Variants in LGSN observed in about 807,000 individuals in gnomAD.
The protein encoded by LGSN is lengsin.
Under a neutral mutation model 19.5 loss-of-function variants are expected in LGSN, and 21 were observed. The ratio of observed to expected loss-of-function variants is 1.07; its 90% CI spans 0.76 to 1.55. LGSN has a LOEUF of 1.55. Among genes scored for constraint, LGSN ranks in the 40% most tolerant of loss-of-function variants. The pLI, the probability that LGSN is intolerant of heterozygous loss-of-function variation, is 0.00. For missense variants in LGSN, 673 were observed against 608.5 expected, an observed-to-expected ratio of 1.11 and a Z score of -1.12; for synonymous variants, 257 against 215.6, an observed-to-expected ratio of 1.19 and a Z score of -1.68.
the LGSN span, among the ~76,000 whole-genome samples, chr6:63,373,755 T>C: frequency 1.1e-4 from 16 of 152,158 alleles, no homozygotes; most frequent in African/African-American, 1.9e-4. Context: ...GGCTGATCAA[T>C]TGAGGTCAGA....
At chr6:63,307,791 C>T (rs148950754) in intron 1 of LGSN, among the ~76,000 whole-genome samples, 23 of 152,298 alleles carry the variant, frequency 1.5e-4, no homozygotes, top group African/African-American at 5.5e-4. Context: ...AGGCCCTGGC[C>T]AGCCTAGAGG....
At chr6:63,350,853 A>AAAAC in the LGSN span, among the ~76,000 whole-genome samples, 1 of 152,026 alleles carries the variant, frequency 6.6e-6, no homozygotes, top group African/African-American at 2.4e-5. Flanking sequence ...TAAAAAAAAA[A>AAAAC]AAACAAACAA....
At chr6:63,412,533 A>AGAAAGAAAGAAAGAAAGAAG in the LGSN span, among the ~76,000 whole-genome samples, 7 of 85,150 alleles carry the variant, frequency 8.2e-5, no homozygotes, top group African/African-American at 3.6e-4. Flanking sequence ...AAAGAAGGAA[A>AGAAAGAAAGAAAGAAAGAAG]GAAAGAAAGA....
At chr6:63,351,852 G>A in the LGSN span, among the ~76,000 whole-genome samples, 13 of 152,142 alleles carry the variant, frequency 8.5e-5, no homozygotes, top group African/African-American at 3.1e-4. Context: ...TTTTTTAAAT[G>A]ATGTTTCAAT....
chr6:63,334,555 A>T, the LGSN span, among the ~76,000 whole-genome samples: 16 of 152,258 alleles, frequency 1.1e-4, no homozygotes, highest in Non-Finnish European at 2.4e-4. Flanking sequence ...CTACATATTC[A>T]ATGCAATCCC....
chr6:63,326,568 C>T, the LGSN span, among the ~76,000 whole-genome samples: 26 of 151,898 alleles, frequency 1.7e-4, no homozygotes, highest in Middle Eastern at 3.4e-3. Flanking sequence ...TCAGGCATGG[C>T]GGGCTGCAGG....
chr6:63,535,207 G>A, the LGSN span, among the ~76,000 whole-genome samples: 22 of 152,176 alleles, frequency 1.4e-4, no homozygotes, highest in African/African-American at 4.6e-4. Context: ...GGCTCAGCCT[G>A]TAATTCCAGC....
rs114769931 is a variant in LGSN at position 63,306,822 on chromosome 6, G to A, written c.31-11777C>T. ...GTTGCCATATTAAAACGTGGCCCTC[G>A]TGTTGCCAGTTTTACAAATTTTCAA... On this transcript the variant is annotated intron_variant, in intron 1 of 3. Coordinates refer to ENST00000370657, the MANE Select transcript of LGSN (RefSeq NM_016571.3). Among the ~76,000 whole-genome samples, 454 of 152,284 alleles carry A rather than the reference G, an allele frequency of 3.0e-3. 3 individuals carry two copies. The highest frequency in any genetic ancestry group is 0.01 in the African/African-American group (424 of 41,546).
chr6:63,311,069 T>C (rs1398801771), intron 1 of LGSN, among the ~76,000 whole-genome samples: 1 of 152,218 alleles, frequency 6.6e-6, no homozygotes. Flanking sequence ...TTGCTTTGAC[T>C]GGACCACTTC....
At chr6:63,317,055 T>C (rs1768896331) in intron 1 of LGSN, among the ~76,000 whole-genome samples, 1 of 152,130 alleles carries the variant, frequency 6.6e-6, no homozygotes, top group Non-Finnish European at 1.5e-5. Context: ...TAAAAAGGTA[T>C]ATTATATATA....
the LGSN span, among the ~76,000 whole-genome samples, chr6:63,492,585 A>T: frequency 2.8e-4 from 43 of 152,202 alleles, no homozygotes; most frequent in Non-Finnish European, 5.0e-4. Context: ...AAGACCTTAC[A>T]TCTTTATTAA....
the LGSN span, among the ~76,000 whole-genome samples, chr6:63,384,761 T>C: frequency 6.6e-6 from 1 of 152,144 alleles, no homozygotes; most frequent in Non-Finnish European, 1.5e-5. Flanking sequence ...CCTCAGGTGA[T>C]CCCGCCTCAG....
At chr6:63,307,124 T>C (rs1048731241) in intron 1 of LGSN, among the ~76,000 whole-genome samples, 1 of 152,160 alleles carries the variant, frequency 6.6e-6, no homozygotes, top group African/African-American at 2.4e-5. Flanking sequence ...GTACATCTAA[T>C]AAAAATAACC....
At chr6:63,495,378 G>C in the LGSN span, among the ~76,000 whole-genome samples, 1 of 151,430 alleles carries the variant, frequency 6.6e-6, no homozygotes, top group African/African-American at 2.4e-5. Context: ...TGCCCCCGGA[G>C]CCTATGCACT....
At chr6:63,285,562 T>C (rs750461443) in intron 3 of LGSN, 25 bp downstream of exon 3, 1 of 1,570,858 alleles carries the variant, frequency 6.4e-7, no homozygotes, top group Non-Finnish European at 8.7e-7. Context: ...GAAATTACAT[T>C]TAGTCACAAC....
At chr6:63,496,342 T>C in the LGSN span, among the ~76,000 whole-genome samples, 1 of 152,242 alleles carries the variant, frequency 6.6e-6, no homozygotes, top group East Asian at 1.9e-4. Flanking sequence ...TATTTTCTAT[T>C]TTAAGAGTTT....
At chr6:63,320,671 T>C (rs1769050237), upstream of LGSN, among the ~76,000 whole-genome samples, 2 of 152,200 alleles carry the variant, frequency 1.3e-5, no homozygotes, top group African/African-American at 2.4e-5. Context: ...TAAAGGGGGT[T>C]TGAAATCACA....
At chr6:63,542,137 T>C in the LGSN span, among the ~76,000 whole-genome samples, 2 of 151,740 alleles carry the variant, frequency 1.3e-5, no homozygotes, top group African/African-American at 4.8e-5. Flanking sequence ...CTGGATGACA[T>C]TGGAGAATAC....
At chr6:63,355,395 A>G in the LGSN span, among the ~76,000 whole-genome samples, 1,903 of 152,352 alleles carry the variant, frequency 0.012, 34 homozygotes, top group African/African-American at 0.043. Context: ...AGTCTAGTAG[A>G]GGCAGGCAGA....
Sources: gnomAD v4.1 joint callset for allele counts (sites outside exome capture counted in the v4.1 genomes callset) on GRCh38, gnomAD v4.1.1 for gene constraint, MANE v1.5 for transcripts, NCBI Gene and HGNC (gene_info 2026-07-23, HGNC 2026-07-21) for gene names.